The following SORCS3 variants were observed in gnomAD, a reference collection of about 807,000 sequenced individuals.
The protein encoded by SORCS3 is VPS10 domain-containing receptor SorCS3.
Under a neutral mutation model 146.3 loss-of-function variants are expected in SORCS3, and 57 were observed. The ratio of observed to expected loss-of-function variants is 0.39; its 90% confidence interval spans 0.31 to 0.49. The LOEUF is 0.49. Among genes scored for constraint, SORCS3 ranks in the 20% least tolerant of loss-of-function variants. The probability of loss-of-function intolerance (pLI) is 0.92; values close to 1 mark genes in which losing one functional copy is unlikely to be tolerated. For synonymous variants in SORCS3, 653 were observed against 618.5 expected (o/e 1.06, Z -0.83); for missense variants, 1,341 against 1,575.5 (o/e 0.85, Z 2.52).
intron 14 of SORCS3, among the ~76,000 whole-genome samples, chr10:105,198,743 A>G (rs2056557866): frequency 6.6e-6 from 1 of 152,162 alleles, no homozygotes; most frequent in Non-Finnish European, 1.5e-5. Context: ...TCCACACAAA[A>G]CCCATGTAGT....
chr10:105,039,451 C>CTTTTTTTT (rs920662213), intron 4 of SORCS3, among the ~76,000 whole-genome samples: 3 of 96,544 alleles, frequency 3.1e-5, no homozygotes, highest in Admixed American at 1.1e-4. Flanking sequence ...CTCTCGCTCT[C>CTTTTTTTT]TTTTTTTTTT....
chr10:104,883,978 G>GC (rs1554856914), intron 2 of SORCS3, among the ~76,000 whole-genome samples: 6 of 146,114 alleles, frequency 4.1e-5, no homozygotes, highest in Admixed American at 2.0e-4. Flanking sequence ...TGTGGAATGA[G>GC]GGGGGGGAAA....
intron 19 of SORCS3, among the ~76,000 whole-genome samples, chr10:105,222,348 G>A (rs919829346): frequency 2.0e-5 from 3 of 152,028 alleles, no homozygotes; most frequent in African/African-American, 7.2e-5. Flanking sequence ...GTGAGCCACC[G>A]CGCCCGGCCG....
chr10:104,867,459 A>G (rs1260721662), intron 2 of SORCS3, among the ~76,000 whole-genome samples: 2 of 151,852 alleles, frequency 1.3e-5, no homozygotes, highest in African/African-American at 4.8e-5. Flanking sequence ...ACAGGTGCCC[A>G]CCACCACGCC....
intron 14 of SORCS3, among the ~76,000 whole-genome samples, chr10:105,186,936 C>A (rs1179688009): frequency 6.6e-6 from 1 of 151,400 alleles, no homozygotes; most frequent in Non-Finnish European, 1.5e-5. Flanking sequence ...AATCCCATCT[C>A]AAATATCCAT....
intron 1 of SORCS3, 23 bp from the exon 2 acceptor site, chr10:104,842,769 C>T (rs1242658944): frequency 6.2e-7 from 1 of 1,603,650 alleles, no homozygotes; most frequent in Non-Finnish European, 8.5e-7. Flanking sequence ...CTCTCCTTTG[C>T]CCTTATCCCC....
intron 1 of SORCS3, among the ~76,000 whole-genome samples, chr10:104,723,405 G>T (rs1304723108): frequency 6.6e-6 from 1 of 152,208 alleles, no homozygotes; most frequent in East Asian, 1.9e-4. Context: ...CCCACTATGT[G>T]GTCAATTTTG....
At chr10:105,070,282 G>C (rs2055548423) in intron 5 of SORCS3, among the ~76,000 whole-genome samples, 1 of 152,228 alleles carries the variant, frequency 6.6e-6, no homozygotes, top group Non-Finnish European at 1.5e-5. Flanking sequence ...CTAAGGTTGA[G>C]AGTGGTTATC....
rs1371718050 is a variant in SORCS3 at position 105,256,813 on chromosome 10, T to G, written c.3338-6T>G. 1 of 1,611,214 alleles carries G rather than the reference T, an allele frequency of 6.2e-7. No individual in the cohort carries two copies. The highest frequency in any genetic ancestry group is 8.5e-7 in the Non-Finnish European group (1 of 1,177,460). ...GTTCTTTTCCTTATCTGTTCTTCTT[T>G]CCAAGCTCCATTGGTGGACTCCAGT... On this transcript the variant is annotated splice_polypyrimidine_tract_variant and splice_region_variant and intron_variant, in intron 24 of 26. Coordinates refer to ENST00000369701, the MANE Select transcript of SORCS3 (RefSeq NM_014978.3).
intron 2 of SORCS3, among the ~76,000 whole-genome samples, chr10:104,913,039 C>T (rs978823434): frequency 2.0e-5 from 3 of 152,060 alleles, no homozygotes; most frequent in African/African-American, 4.8e-5. Flanking sequence ...GAAAGTTTAG[C>T]GAGGCTGGAG....
intron 16 of SORCS3, among the ~76,000 whole-genome samples, chr10:105,204,033 T>C (rs934032398): frequency 6.6e-6 from 1 of 152,110 alleles, no homozygotes; most frequent in Non-Finnish European, 1.5e-5. Context: ...AACCCTTCTT[T>C]AGGGAGTGCT....
chr10:105,191,236 G>T (rs762748682), intron 14 of SORCS3, among the ~76,000 whole-genome samples: 7 of 150,424 alleles, frequency 4.7e-5, no homozygotes, highest in Non-Finnish European at 1.0e-4. Flanking sequence ...AAGTGCTGTG[G>T]GTCATACCCA....
At chr10:104,910,180 A>G in intron 2 of SORCS3, among the ~76,000 whole-genome samples, 1 of 152,174 alleles carries the variant, frequency 6.6e-6, no homozygotes, top group East Asian at 1.9e-4. Context: ...AGCGTGAGTG[A>G]CAGGTAGCTG....
chr10:104,687,039 A>G (rs2016053181), intron 1 of SORCS3, among the ~76,000 whole-genome samples: 2 of 152,188 alleles, frequency 1.3e-5, no homozygotes, highest in African/African-American at 4.8e-5. Context: ...GCATCCATGC[A>G]TGAATTCATC....
At chr10:104,674,207 A>G (rs1051827733) in intron 1 of SORCS3, among the ~76,000 whole-genome samples, 2 of 152,192 alleles carry the variant, frequency 1.3e-5, no homozygotes, top group Non-Finnish European at 1.5e-5. Context: ...TATAAATGGA[A>G]TAAGATAGCA....
chr10:105,221,065 G>A (rs2056699413), intron 19 of SORCS3, among the ~76,000 whole-genome samples: 1 of 152,126 alleles, frequency 6.6e-6, no homozygotes, highest in African/African-American at 2.4e-5. Flanking sequence ...TTCCTTTTAA[G>A]TATTCGGTTT....
intron 1 of SORCS3, among the ~76,000 whole-genome samples, chr10:104,710,718 G>A (rs2133438424): frequency 7.0e-6 from 1 of 143,010 alleles, no homozygotes; most frequent in East Asian, 2.1e-4. Flanking sequence ...TGAATATTCT[G>A]TAGTTGTCCA....
chr10:104,881,144 T>G (rs898430073), intron 2 of SORCS3, among the ~76,000 whole-genome samples: 1 of 152,216 alleles, frequency 6.6e-6, no homozygotes, highest in Admixed American at 6.5e-5. Context: ...AAAGGACAGA[T>G]GCTAGCATAC....
At chr10:105,040,083 A>G (rs532945234) in intron 4 of SORCS3, among the ~76,000 whole-genome samples, 6 of 152,298 alleles carry the variant, frequency 3.9e-5, no homozygotes, top group East Asian at 1.9e-4. Flanking sequence ...ATTGGAAAAC[A>G]TGTCTTAAGT....
Sources: allele counts gnomAD v4.1 joint callset (sites outside exome capture counted in the v4.1 genomes callset), GRCh38; gene constraint gnomAD v4.1.1; transcripts MANE v1.5; gene names NCBI Gene and HGNC (gene_info 2026-07-23, HGNC 2026-07-21).